Variants in JAKMIP3 observed in about 807,000 individuals in gnomAD.
The protein encoded by JAKMIP3 is janus kinase and microtubule-interacting protein 3.
Under a neutral mutation model 118.5 loss-of-function variants are expected in JAKMIP3, and 58 were observed. The ratio of observed to expected loss-of-function variants is 0.49; its 90% CI spans 0.40 to 0.61. JAKMIP3 has a LOEUF of 0.61. Among genes scored for constraint, JAKMIP3 ranks in the 20% least tolerant of loss-of-function variants. JAKMIP3 has a pLI of 0.00. For missense variants in JAKMIP3, 950 were observed against 1,109.0 expected (o/e 0.86, Z 2.04); for synonymous variants, 486 against 451.2 (o/e 1.08, Z -0.98).
upstream of JAKMIP3, among the ~76,000 whole-genome samples, chr10:132,063,964 C>T (rs2038501244): frequency 6.6e-6 from 1 of 152,186 alleles, no homozygotes; most frequent in Non-Finnish European, 1.5e-5. Flanking sequence ...ATACTATACA[C>T]ACTTTTTTAA....
intron 2 of JAKMIP3, among the ~76,000 whole-genome samples, chr10:132,105,647 C>T (rs1446093438): frequency 6.6e-6 from 1 of 152,224 alleles, no homozygotes; most frequent in Non-Finnish European, 1.5e-5. Context: ...GACCTTTGCC[C>T]TCTCCTTTCC....
chr10:132,059,050 T>C (rs1029053136), intron 1 of JAKMIP3, among the ~76,000 whole-genome samples: 6 of 152,258 alleles, frequency 3.9e-5, no homozygotes, highest in Non-Finnish European at 8.8e-5. Context: ...GGCTTGTGTC[T>C]GTCTGACTCT....
chr10:132,063,847 A>C (rs910391756), upstream of JAKMIP3, among the ~76,000 whole-genome samples: 2 of 152,228 alleles, frequency 1.3e-5, no homozygotes, highest in Non-Finnish European at 2.9e-5. Flanking sequence ...AGATCCTATC[A>C]CCTGGAGCTA....
intron 13 of JAKMIP3, among the ~76,000 whole-genome samples, chr10:132,146,310 C>T: frequency 6.6e-6 from 1 of 152,144 alleles, no homozygotes; most frequent in East Asian, 1.9e-4. Flanking sequence ...ACATCAGGCC[C>T]ACCTGGCTCA....
intron 1 of JAKMIP3, among the ~76,000 whole-genome samples, chr10:132,046,632 G>C (rs970653935): frequency 1.3e-5 from 2 of 152,080 alleles, no homozygotes; most frequent in Non-Finnish European, 2.9e-5. Context: ...CCTAGTTTAG[G>C]CTCTTTTAAA....
At chr10:132,111,127 G>A (rs907061955) in intron 2 of JAKMIP3, among the ~76,000 whole-genome samples, 3 of 152,216 alleles carry the variant, frequency 2.0e-5, no homozygotes, top group African/African-American at 7.2e-5. Flanking sequence ...AGTCCTACAA[G>A]ATCCCAGCTC....
intron 23 of JAKMIP3, among the ~76,000 whole-genome samples, chr10:132,177,361 C>A (rs571968306): frequency 2.6e-5 from 4 of 152,272 alleles, no homozygotes; most frequent in Admixed American, 6.5e-5. Context: ...AGAAAGTGTG[C>A]GCACGTGTGT....
At position 132,137,086 on chromosome 10, in the gene JAKMIP3, GAGA is replaced by G. The variant is rs747749806; in HGVS notation, c.1187_1189del (p.Glu396del). 3 of 1,613,948 alleles carry G rather than the reference GAGA, an allele frequency of 1.9e-6. No homozygotes were observed. Among genetic ancestry groups the G allele is most frequent in the Non-Finnish European group, 2.5e-6 (3 of 1,179,880 alleles). ...GACCTTGATCAAAGTCAGGATGAGA[GAGA>G]AGTCGATTTCTTGAAGCTTCAGATT... On this transcript the variant is annotated inframe_deletion, in exon 7 of 24. Coordinates refer to ENST00000684848, the MANE Select transcript of JAKMIP3 (RefSeq NM_001323087.2).
At chr10:132,078,227 T>C (rs1284733308) in intron 1 of JAKMIP3, among the ~76,000 whole-genome samples, 2 of 152,222 alleles carry the variant, frequency 1.3e-5, no homozygotes, top group Non-Finnish European at 2.9e-5. Flanking sequence ...AACCTCCTGA[T>C]ATAGTAAAGA....
chr10:132,070,955 A>C (rs780976720), intron 1 of JAKMIP3, among the ~76,000 whole-genome samples: 12 of 152,228 alleles, frequency 7.9e-5, no homozygotes, highest in Non-Finnish European at 1.5e-4. Flanking sequence ...TATGTTCTTA[A>C]GATGAAAGCA....
chr10:132,158,259 G>A (rs969376049), intron 19 of JAKMIP3, among the ~76,000 whole-genome samples: 1 of 152,152 alleles, frequency 6.6e-6, no homozygotes, highest in East Asian at 1.9e-4. Context: ...TGGCCTATGG[G>A]CCCCCTTGAC....
intron 1 of JAKMIP3, among the ~76,000 whole-genome samples, chr10:132,054,258 G>A (rs559982738): frequency 6.6e-6 from 1 of 151,752 alleles, no homozygotes; most frequent in Admixed American, 6.5e-5. Context: ...CTCAGGGAAG[G>A]TTCTGTGAAT....
chr10:132,153,080 C>G, intron 17 of JAKMIP3, 57 bp downstream of exon 17: 1 of 1,397,358 alleles, frequency 7.2e-7, no homozygotes, highest in Non-Finnish European at 1.0e-6. Flanking sequence ...GTCTCCTGCC[C>G]TGCTCAGCTC....
chr10:132,056,536 C>G (rs1193368983), intron 1 of JAKMIP3, among the ~76,000 whole-genome samples: 1 of 152,190 alleles, frequency 6.6e-6, no homozygotes, highest in Non-Finnish European at 1.5e-5. Context: ...AGTTCCTGCA[C>G]CTGGTGTTCA....
At chr10:132,047,412 A>G (rs368500199) in intron 1 of JAKMIP3, among the ~76,000 whole-genome samples, 81 of 152,222 alleles carry the variant, frequency 5.3e-4, no homozygotes, top group Admixed American at 3.3e-4. Context: ...GTAGGGCATG[A>G]CTGCTGCTTC....
At chr10:132,129,481 C>A (rs1456923382) in intron 3 of JAKMIP3, among the ~76,000 whole-genome samples, 1 of 152,194 alleles carries the variant, frequency 6.6e-6, no homozygotes, top group Non-Finnish European at 1.5e-5. Flanking sequence ...TCTGCCATTC[C>A]CTCCTCTGCT....
At chr10:132,066,398 T>G (rs775009601) in intron 1 of JAKMIP3, among the ~76,000 whole-genome samples, 2 of 152,072 alleles carry the variant, frequency 1.3e-5, no homozygotes, top group Non-Finnish European at 2.9e-5. Flanking sequence ...GTGGGGTGGG[T>G]TGGGGAAGCC....
chr10:132,135,832 T>G (rs1427908440), intron 5 of JAKMIP3, 98 bp from the exon 6 acceptor site: 18 of 1,306,724 alleles, frequency 1.4e-5, no homozygotes, highest in Non-Finnish European at 1.9e-5. Context: ...GGGACTGCGT[T>G]GTTGCAGCCC....
chr10:132,141,928 C>G lies in JAKMIP3; in HGVS notation c.1482C>G (p.Ala494=). ...TPDDDLEEGM[A]KEETELRFRQ... is the part of the protein sequence containing the mutation. ...CATCCGTGTCTCTCCAGGGCATGGC[C>G]AAGGAGGAGACGGAGCTGAGGTTCC... Residue 494 remains alanine, a synonymous_variant, in exon 11 of 24, where the codon GCC becomes GCG. Coordinates refer to ENST00000684848, the MANE Select transcript of JAKMIP3 (RefSeq NM_001323087.2). The G allele has an allele frequency of 6.3e-7, 1 of 1,593,768 alleles. No individual in the cohort carries two copies. Among genetic ancestry groups the G allele is most frequent in the Non-Finnish European group, 8.5e-7 (1 of 1,170,774 alleles).
Sources: allele counts gnomAD v4.1 joint callset (sites outside exome capture counted in the v4.1 genomes callset), GRCh38; gene constraint gnomAD v4.1.1; transcripts MANE v1.5; gene names NCBI Gene and HGNC (gene_info 2026-07-23, HGNC 2026-07-21).